Variants in ABLIM1 observed in about 807,000 individuals in gnomAD.
ABLIM1 encodes actin binding LIM protein 1, also known as actin-binding LIM protein 1.
ABLIM1 carries 40 observed loss-of-function variants against 107.0 expected under a neutral mutation model. That is an observed-to-expected ratio of 0.37 (90% confidence interval 0.29 to 0.49). The LOEUF (loss-of-function observed/expected upper bound fraction) is 0.49, where lower values mean the gene tolerates loss of function less well. Among genes scored for constraint, ABLIM1 ranks in the 20% least tolerant of loss-of-function variants. ABLIM1 has a pLI of 0.97. For synonymous variants in ABLIM1, 357 were observed against 357.3 expected (o/e 1.00, Z 0.01); for missense variants, 857 against 1,008.5 (o/e 0.85, Z 2.04).
chr10:114,498,788 C>T (rs2060017025), intron 6 of ABLIM1, among the ~76,000 whole-genome samples: 1 of 152,166 alleles, frequency 6.6e-6, no homozygotes, highest in African/African-American at 2.4e-5. Context: ...AGCTTCTTAG[C>T]AGATGAGGGC....
intron 1 of ABLIM1, among the ~76,000 whole-genome samples, chr10:114,749,450 C>CACA (rs1555232340): frequency 7.1e-5 from 10 of 141,598 alleles, no homozygotes; most frequent in East Asian, 2.0e-4. Context: ...AACACACACA[C>CACA]CACACACACA....
intron 1 of ABLIM1, among the ~76,000 whole-genome samples, chr10:114,714,707 G>C (rs2081622812): frequency 6.6e-6 from 1 of 152,186 alleles, no homozygotes; most frequent in Non-Finnish European, 1.5e-5. Flanking sequence ...TTGGTTTCAA[G>C]CAGGCTGCAC....
rs1266453625 is a variant in ABLIM1, at chr10:114,435,664, G to A, written c.*596C>T. ...CAGTAGAGAACAAGGAGCTTGCTAA[G>A]AATTAATTTTGCTGTTTTTCACCCC... On this transcript the variant is annotated 3_prime_UTR_variant, in exon 23 of 23. Transcript: ENST00000533213. 1 of 152,214 alleles carries A rather than the reference G, an allele frequency of 6.6e-6. No individual in the cohort carries two copies. Among genetic ancestry groups the A allele is most frequent in the African/African-American group, 2.4e-5 (1 of 41,440 alleles). 9.4% of individuals were successfully genotyped at this position (152,214 alleles called of 1,614,324 possible).
intron 4 of ABLIM1, among the ~76,000 whole-genome samples, chr10:114,562,677 C>T (rs145030485): frequency 9.1e-4 from 138 of 152,340 alleles, no homozygotes; most frequent in Non-Finnish European, 1.8e-3. Context: ...GTACACCTTA[C>T]TTCACATGCA....
intron 1 of ABLIM1, among the ~76,000 whole-genome samples, chr10:114,638,397 C>T (rs2140895663): frequency 6.6e-6 from 1 of 152,296 alleles, no homozygotes; most frequent in East Asian, 1.9e-4. Context: ...ACCCTCACAG[C>T]TACTTCGGTC....
chr10:114,767,945 G>A, intron 1 of ABLIM1: 1 of 338,592 alleles, frequency 3.0e-6, no homozygotes, highest in Non-Finnish European at 5.9e-6. Flanking sequence ...CCGGGGATCC[G>A]CTGCCAAAGT....
chr10:114,623,636 C>A (rs1484537012), intron 1 of ABLIM1, among the ~76,000 whole-genome samples: 1 of 152,222 alleles, frequency 6.6e-6, no homozygotes, highest in East Asian at 1.9e-4. Flanking sequence ...AGAACATCAA[C>A]ATTATCTGGG....
chr10:114,781,561 T>C, the ABLIM1 span, among the ~76,000 whole-genome samples: 2 of 150,896 alleles, frequency 1.3e-5, no homozygotes, highest in African/African-American at 4.9e-5. Context: ...TATGTGTGTG[T>C]GTGTGTGTAT....
Position 114,611,402 on chromosome 10 carries a change from G to A in ABLIM1, c.245-9441C>T, listed in dbSNP as rs1483926247. The stretch of plus-strand genomic sequence containing the variant: ...GCAGGAGAATTGCTTGAACCCAGGA[G>A]GCAGAGGTTGCTGAGCTGAGATCAC... On this transcript the variant is annotated intron_variant, in intron 1 of 22. Coordinates refer to ENST00000533213, the MANE Select transcript of ABLIM1 (RefSeq NM_002313.7). Among the ~76,000 whole-genome samples, 3 of 151,892 alleles carry A rather than the reference G, an allele frequency of 2.0e-5. No homozygotes were observed. In the East Asian group the frequency reaches 5.8e-4, roughly 29 times the overall value.
chr10:114,728,112 A>G (rs2081997535), intron 1 of ABLIM1, among the ~76,000 whole-genome samples: 1 of 152,240 alleles, frequency 6.6e-6, no homozygotes, highest in African/African-American at 2.4e-5. Context: ...ACAACTGAGG[A>G]AAAGCAAATG....
At chr10:114,797,909 A>T in the ABLIM1 span, among the ~76,000 whole-genome samples, 41 of 152,266 alleles carry the variant, frequency 2.7e-4, no homozygotes, top group South Asian at 8.5e-3. Flanking sequence ...GAGTAACATA[A>T]CACATTTTTG....
the ABLIM1 span, among the ~76,000 whole-genome samples, chr10:114,798,546 A>G: frequency 1.6e-5 from 2 of 127,388 alleles, no homozygotes; most frequent in Non-Finnish European, 3.4e-5. Flanking sequence ...AGCCTGGGCA[A>G]GATGATGAGA....
intron 1 of ABLIM1, among the ~76,000 whole-genome samples, chr10:114,701,292 G>A (rs942266536): frequency 5.3e-5 from 8 of 152,132 alleles, no homozygotes; most frequent in African/African-American, 1.7e-4. Context: ...TGAGACAATT[G>A]TAACTCTAAT....
At chr10:114,517,670 C>T (rs932659298) in intron 6 of ABLIM1, among the ~76,000 whole-genome samples, 1 of 152,160 alleles carries the variant, frequency 6.6e-6, no homozygotes, top group African/African-American at 2.4e-5. Context: ...ACTGTGTTCA[C>T]AGCAGGACAA....
intron 1 of ABLIM1, among the ~76,000 whole-genome samples, chr10:114,680,371 T>C (rs896712462): frequency 6.6e-6 from 1 of 152,250 alleles, no homozygotes; most frequent in African/African-American, 2.4e-5. Context: ...CAAATCTCTC[T>C]GCTTCTAGAG....
intron 6 of ABLIM1, among the ~76,000 whole-genome samples, chr10:114,509,569 T>C (rs1260956625): frequency 6.6e-6 from 1 of 152,200 alleles, no homozygotes; most frequent in Non-Finnish European, 1.5e-5. Context: ...TTATTAAATA[T>C]GATGTAGATC....
intron 4 of ABLIM1, among the ~76,000 whole-genome samples, chr10:114,566,501 C>T (rs879440680): frequency 1.3e-5 from 2 of 152,144 alleles, no homozygotes; most frequent in East Asian, 1.9e-4. Flanking sequence ...ATGAAGCTTT[C>T]GAAGATTGTA....
intron 6 of ABLIM1, 104 bp downstream of exon 6, chr10:114,544,901 G>C (rs890384174): frequency 1.0e-5 from 11 of 1,053,642 alleles, no homozygotes; most frequent in African/African-American, 1.6e-5. Context: ...TTCTCCACAG[G>C]TGAAAAAAAG....
intron 3 of ABLIM1, 43 bp from the exon 4 acceptor site, chr10:114,571,449 T>A (rs745891068): frequency 6.4e-7 from 1 of 1,571,300 alleles, no homozygotes; most frequent in South Asian, 1.1e-5. Flanking sequence ...TTGCAGCAAT[T>A]TCATTCCTTT....
Sources: gnomAD v4.1 joint callset for allele counts (sites outside exome capture counted in the v4.1 genomes callset) on GRCh38, gnomAD v4.1.1 for gene constraint, MANE v1.5 for transcripts, NCBI Gene and HGNC (gene_info 2026-07-23, HGNC 2026-07-21) for gene names.